Variants in KHDC4 observed in about 807,000 individuals in gnomAD.
KHDC4 encodes the protein KH domain containing 4, pre-mRNA splicing factor, also known as KH homology domain-containing protein 4.
Under a neutral mutation model 74.5 loss-of-function variants are expected in KHDC4, and 19 were observed. That is an observed-to-expected ratio of 0.26 (90% CI 0.18 to 0.37). KHDC4 has a LOEUF of 0.37. Among genes scored for constraint, KHDC4 ranks in the 10% least tolerant of loss-of-function variants. The pLI is 1.00. For missense variants in KHDC4, 632 were observed against 754.1 expected (o/e 0.84, Z 1.90); for synonymous variants, 253 against 266.1 (o/e 0.95, Z 0.48).
At position 155,925,829 on chromosome 1, in the gene KHDC4, T is replaced by C; in HGVS notation, c.696A>G (p.Gln232=). 3 of 1,610,940 alleles carry C rather than the reference T, an allele frequency of 1.9e-6. No individual in the cohort carries two copies. The highest frequency in any genetic ancestry group is 2.5e-6 in the Non-Finnish European group (3 of 1,177,092). The change falls in exon 7 of 14, where the codon CAA becomes CAG. Residue 232 remains glutamine (Q), a synonymous_variant. Coordinates refer to ENST00000368321, the MANE Select transcript of KHDC4 (RefSeq NM_014949.4). ...GTTCTAGACCCACAAATAATTTATC[T>C]TGAACATAATGCATCTGTAGGAAGA... is the stretch of plus-strand genomic sequence containing the variant. ...PPFQSGMHYV[Q]DKLFVGLEHA...
At chr1:155,929,044 A>C (rs1213601176) in intron 4 of KHDC4, among the ~76,000 whole-genome samples, 1 of 152,100 alleles carries the variant, frequency 6.6e-6, no homozygotes, top group African/African-American at 2.4e-5. Flanking sequence ...GTTAGTGGTT[A>C]GTATCTTCTT....
chr1:155,920,832 T>G (rs1472275930), intron 10 of KHDC4, among the ~76,000 whole-genome samples: 1 of 152,190 alleles, frequency 6.6e-6, no homozygotes, highest in Admixed American at 6.5e-5. Context: ...AAATGCTAAC[T>G]CAGTTCCAAT....
chr1:155,933,883 A>G, intron 1 of KHDC4, 34 bp from the exon 2 acceptor site: 2 of 1,459,748 alleles, frequency 1.4e-6, no homozygotes, highest in African/African-American at 1.4e-5. Flanking sequence ...TTAGGCCCCA[A>G]AGCTTTCGTG....
Position 155,933,930 on chromosome 1 carries a change from T to C in KHDC4, c.39-81A>G, listed in dbSNP as rs1021172173. ...TTCCTTACTACGCCTTAGCACCCCA[T>C]TTTCCCTCTATTATATTCCATTTAC... On this transcript the variant is annotated intron_variant, in intron 1 of 13. Transcript: ENST00000368321. 2.7e-6 allele frequency: 3 copies of C among 1,125,908 alleles called. No individual in the cohort carries two copies. In the African/African-American group the frequency reaches 4.7e-5, roughly 18 times the overall value. The allele number at this position is 1,125,908 out of a possible 1,614,324, so 69.7% of individuals were successfully genotyped here.
chr1:155,923,848 G>C (rs562532334), intron 7 of KHDC4, among the ~76,000 whole-genome samples, 161 bp from the exon 8 acceptor site: 9 of 152,032 alleles, frequency 5.9e-5, no homozygotes, highest in Non-Finnish European at 1.2e-4. Flanking sequence ...CAAAACATAA[G>C]TCTTTTAAGA....
intron 10 of KHDC4, chr1:155,920,160 C>T: frequency 3.5e-6 from 1 of 281,856 alleles, no homozygotes; most frequent in Non-Finnish European, 7.5e-6. Context: ...GAAATTGTGG[C>T]CAGGTGCGGT....
intron 10 of KHDC4, among the ~76,000 whole-genome samples, chr1:155,920,847 G>T (rs1488319842): frequency 6.6e-6 from 1 of 152,178 alleles, no homozygotes; most frequent in Non-Finnish European, 1.5e-5. Flanking sequence ...TCCAATTACT[G>T]AGAGGTGTGG....
chr1:155,929,475 G>A (rs751463993), intron 3 of KHDC4, 100 bp from the exon 4 acceptor site: 33 of 1,130,102 alleles, frequency 2.9e-5, no homozygotes, highest in African/African-American at 6.2e-5. Flanking sequence ...AGTAAAGAAG[G>A]AAAGAATTCT....
At chr1:155,930,344 T>C (rs3768280) in intron 2 of KHDC4, among the ~76,000 whole-genome samples, 123,381 of 152,200 alleles carry the variant, frequency 0.81, 52,163 homozygotes, top group East Asian at 0.94. Context: ...CAAACAAAAA[T>C]CTCACTAAAA....
At chr1:155,924,574 CTTTTTTTT>C in intron 7 of KHDC4, among the ~76,000 whole-genome samples, 1 of 132,290 alleles carries the variant, frequency 7.6e-6, no homozygotes, top group Non-Finnish European at 1.6e-5. Context: ...AATAATTTCT[CTTTTTTTT>C]TTTTTTTTTG....
intron 3 of KHDC4, 54 bp downstream of exon 3, chr1:155,929,658 T>C (rs976593194): frequency 5.1e-6 from 8 of 1,578,908 alleles, no homozygotes; most frequent in Non-Finnish European, 6.9e-6. Flanking sequence ...TTAGAGGTCT[T>C]CTTTATCTGA....
At position 155,914,292 on chromosome 1, in the gene KHDC4, T is replaced by C. The variant is rs376547459; in HGVS notation, c.1674A>G (p.Thr558=). Residue 558 remains threonine, a synonymous_variant, in exon 14 of 14, where the codon ACA becomes ACG. Coordinates refer to ENST00000368321, the MANE Select transcript of KHDC4 (RefSeq NM_014949.4). ...HDYPAKKMKT[T]EKGFGLVAYA... ...AAGCCACCAAGCCAAATCCCTTCTC[T>C]GTAGTTTTCATCTTCTTGGCTGGAT... 1.9e-6 allele frequency: 3 copies of C among 1,613,872 alleles called. No homozygotes were observed. In the African/African-American group the frequency reaches 4.0e-5, roughly 22 times the overall value.
intron 8 of KHDC4, among the ~76,000 whole-genome samples, chr1:155,922,318 G>T (rs886806126): frequency 3.9e-5 from 6 of 151,972 alleles, no homozygotes; most frequent in African/African-American, 1.4e-4. Flanking sequence ...GCTAGTTTTT[G>T]TATTTTTAGT....
intron 12 of KHDC4, among the ~76,000 whole-genome samples, chr1:155,916,215 CTAATA>C (rs1673726619): frequency 6.6e-6 from 1 of 152,108 alleles, no homozygotes; most frequent in African/African-American, 2.4e-5. Context: ...GGTTAATATA[CTAATA>C]TAAGAAAGGA....
chr1:155,927,966 TA>T (rs1443838245), intron 4 of KHDC4, among the ~76,000 whole-genome samples: 1 of 151,898 alleles, frequency 6.6e-6, no homozygotes, highest in African/African-American at 2.4e-5. Flanking sequence ...GAAGAGGACT[TA>T]AATTATAATA....
intron 2 of KHDC4, among the ~76,000 whole-genome samples, chr1:155,930,955 G>C (rs551693304): frequency 1.4e-4 from 21 of 152,186 alleles, no homozygotes; most frequent in African/African-American, 5.1e-4. Flanking sequence ...AGGTTGCAAT[G>C]AGCCGAGATC....
At chr1:155,930,983 C>T (rs1262484901) in intron 2 of KHDC4, among the ~76,000 whole-genome samples, 1 of 152,062 alleles carries the variant, frequency 6.6e-6, no homozygotes, top group South Asian at 2.1e-4. Flanking sequence ...CGCACTCCAG[C>T]CTGGGCAACA....
In KHDC4 at chr1:155,919,927, A is replaced by G. The variant is rs753426194; in HGVS notation, c.1266+1448T>C. ...TGTTACACACTGTGCAACCCCCTTC[A>G]GTGCTCACAGCCCACAGGTAAGGGG... On this transcript the variant is annotated intron_variant, in intron 10 of 13. Coordinates refer to ENST00000368321, the MANE Select transcript of KHDC4 (RefSeq NM_014949.4). 1.8e-5 allele frequency: 9 copies of G among 497,334 alleles called. No homozygotes were observed. In the East Asian group the frequency reaches 5.2e-4, roughly 29 times the overall value. The allele number at this position is 497,334 out of a possible 1,614,324, so 30.8% of individuals were successfully genotyped here. A position where few individuals can be genotyped will look rare whatever the true frequency, so the allele number is the denominator to read the frequency against.
At chr1:155,924,322 G>A (rs1464761621) in intron 7 of KHDC4, among the ~76,000 whole-genome samples, 3 of 151,146 alleles carry the variant, frequency 2.0e-5, no homozygotes, top group Non-Finnish European at 3.0e-5. Context: ...TCATTCTCCT[G>A]CCTCAGCCCC....
Sources: allele counts gnomAD v4.1 joint callset (sites outside exome capture counted in the v4.1 genomes callset), GRCh38; gene constraint gnomAD v4.1.1; transcripts MANE v1.5; gene names NCBI Gene and HGNC (gene_info 2026-07-23, HGNC 2026-07-21).